TBXAS1: variants seen among roughly 807,000 people sequenced by gnomAD.
TBXAS1 encodes the protein thromboxane-A synthase.
In TBXAS1, 48 loss-of-function variants were observed where a neutral mutation model predicts 60.7. That is an observed-to-expected ratio of 0.79 (90% CI 0.63 to 1.01). The LOEUF (loss-of-function observed/expected upper bound fraction) is 1.01. Among genes scored for constraint, TBXAS1 ranks in the 50% least tolerant of loss-of-function variants. The pLI is 0.00. For synonymous variants in TBXAS1, 287 were observed against 269.7 expected (o/e 1.06, Z -0.63); for missense variants, 685 against 686.3 (o/e 1.00, Z 0.02).
At chr7:139,906,218 G>A (rs1805068761) in intron 3 of TBXAS1, 1 of 197,138 alleles carries the variant, frequency 5.1e-6, no homozygotes, top group African/African-American at 2.4e-5. Flanking sequence ...ACCATGCCCA[G>A]ATAGTTATTT....
intron 4 of TBXAS1, chr7:139,789,212 A>ATCTCTCTCTCTCTCTCTCTCTCTC (rs138299225): frequency 3.5e-5 from 5 of 142,404 alleles, no homozygotes; most frequent in African/African-American, 1.3e-4. Flanking sequence ...AATATGTTTA[A>ATCTCTCTCTCTCTCTCTCTCTCTC]TCTCTCTCTC....
At chr7:139,919,733 C>T (rs1325006498) in intron 4 of TBXAS1, among the ~76,000 whole-genome samples, 2 of 152,218 alleles carry the variant, frequency 1.3e-5, no homozygotes, top group African/African-American at 4.8e-5. Context: ...CATGAGAAAC[C>T]TTCAGTAAGT....
intron 4 of TBXAS1, among the ~76,000 whole-genome samples, chr7:139,792,158 C>A (rs961173892): frequency 2.0e-5 from 3 of 152,150 alleles, no homozygotes; most frequent in South Asian, 2.1e-4. Context: ...TATTCCTGTC[C>A]TAAAAGGATA....
At chr7:139,846,783 G>A (rs149479408) in intron 1 of TBXAS1, among the ~76,000 whole-genome samples, 3 of 152,292 alleles carry the variant, frequency 2.0e-5, no homozygotes, top group East Asian at 1.9e-4. Context: ...TTAAAAATGC[G>A]TATCAGACTT....
chr7:139,919,991 A>G (rs770341078), intron 4 of TBXAS1, among the ~76,000 whole-genome samples: 3 of 152,200 alleles, frequency 2.0e-5, no homozygotes, highest in Non-Finnish European at 4.4e-5. Context: ...TTGCTCCATC[A>G]TTATTCACAG....
intron 2 of TBXAS1, among the ~76,000 whole-genome samples, chr7:139,782,181 T>C (rs772205536): frequency 5.3e-5 from 8 of 150,142 alleles, no homozygotes; most frequent in Non-Finnish European, 1.0e-4. Context: ...CTAAGGAGTT[T>C]AATCAATCAT....
intron 1 of TBXAS1, among the ~76,000 whole-genome samples, chr7:139,866,534 G>C (rs190082452): frequency 2.0e-5 from 3 of 150,682 alleles, no homozygotes; most frequent in African/African-American, 4.9e-5. Flanking sequence ...CAGGCAGATC[G>C]CTTGAGCCCA....
At chr7:139,796,777 A>G (rs1797583241) in intron 4 of TBXAS1, among the ~76,000 whole-genome samples, 1 of 152,250 alleles carries the variant, frequency 6.6e-6, no homozygotes, top group African/African-American at 2.4e-5. Flanking sequence ...TTTTTCTAAA[A>G]ATGTAAAACA....
intron 9 of TBXAS1, among the ~76,000 whole-genome samples, chr7:139,980,473 T>A (rs1356344022): frequency 6.6e-6 from 1 of 152,070 alleles, no homozygotes; most frequent in Admixed American, 6.6e-5. Flanking sequence ...CCATGTCTGG[T>A]CATCAGAGGC....
At chr7:139,818,821 G>A (rs1798219232) in intron 4 of TBXAS1, among the ~76,000 whole-genome samples, 1 of 152,180 alleles carries the variant, frequency 6.6e-6, no homozygotes, top group Admixed American at 6.5e-5. Flanking sequence ...ATGGCTTCAT[G>A]GAGCTGGGGG....
intron 3 of TBXAS1, among the ~76,000 whole-genome samples, chr7:139,783,707 G>C (rs1259333993): frequency 6.6e-6 from 1 of 152,200 alleles, no homozygotes; most frequent in Non-Finnish European, 1.5e-5. Flanking sequence ...GTGGACCTGT[G>C]CATTTCTGTA....
At chr7:139,792,679 T>G (rs1206468595) in intron 4 of TBXAS1, among the ~76,000 whole-genome samples, 1 of 152,206 alleles carries the variant, frequency 6.6e-6, no homozygotes, top group East Asian at 1.9e-4. Flanking sequence ...ACTCCCTGTC[T>G]GCTTTTACTC....
intron 1 of TBXAS1, among the ~76,000 whole-genome samples, chr7:139,849,585 A>T (rs1800066378): frequency 6.6e-6 from 1 of 151,942 alleles, no homozygotes; most frequent in Non-Finnish European, 1.5e-5. Context: ...GAACCTGGGG[A>T]CGTACCTAGG....
chr7:139,952,502 C>T (rs1217097312), intron 5 of TBXAS1: 3 of 1,524,500 alleles, frequency 2.0e-6, no homozygotes, highest in East Asian at 4.9e-5. Context: ...AGCTGTGATG[C>T]TATTCTAGAA....
At chr7:139,981,660 T>TA (rs1811989233) in intron 9 of TBXAS1, among the ~76,000 whole-genome samples, 1 of 152,202 alleles carries the variant, frequency 6.6e-6, no homozygotes, top group African/African-American at 2.4e-5. Context: ...GTTATTTCGG[T>TA]ACCAAGCTGT....
chr7:139,783,806 A>G (rs1345271987), intron 3 of TBXAS1, among the ~76,000 whole-genome samples: 12 of 152,184 alleles, frequency 7.9e-5, no homozygotes, highest in African/African-American at 2.9e-4. Context: ...CTTGACTGTC[A>G]CGGCAGAGGG....
chr7:139,928,624 CTA>C (rs1415203702), intron 4 of TBXAS1, among the ~76,000 whole-genome samples: 3 of 152,158 alleles, frequency 2.0e-5, no homozygotes, highest in African/African-American at 7.2e-5. Context: ...CTGTGGGTCT[CTA>C]TTTGATTCCA....
At chr7:139,979,988 C>T (rs1263982542) in intron 9 of TBXAS1, among the ~76,000 whole-genome samples, 2 of 151,642 alleles carry the variant, frequency 1.3e-5, no homozygotes, top group East Asian at 1.9e-4. Context: ...TATTCCGTCG[C>T]CTGGGTTTCT....
chr7:139,823,563 G>A (rs886454643), intron 4 of TBXAS1, among the ~76,000 whole-genome samples: 11 of 152,002 alleles, frequency 7.2e-5, no homozygotes, highest in African/African-American at 1.2e-4. Context: ...CATACCACCC[G>A]TCCTCTTTCT....
Sources: gnomAD v4.1 joint callset for allele counts (sites outside exome capture counted in the v4.1 genomes callset) on GRCh38, gnomAD v4.1.1 for gene constraint, MANE v1.5 for transcripts, NCBI Gene and HGNC (gene_info 2026-07-23, HGNC 2026-07-21) for gene names.